Variants in SCN3A observed in about 807,000 individuals in gnomAD.
The protein encoded by SCN3A is sodium channel protein type 3 subunit alpha.
In SCN3A, 60 loss-of-function variants were observed where a neutral mutation model predicts 187.6. That is an observed-to-expected ratio of 0.32 (90% confidence interval 0.26 to 0.40). The LOEUF (loss-of-function observed/expected upper bound fraction) is 0.40. Among genes scored for constraint, SCN3A ranks in the 10% least tolerant of loss-of-function variants. The probability of loss-of-function intolerance (pLI) is 1.00; values close to 1 mark genes in which losing one functional copy is unlikely to be tolerated. For synonymous variants in SCN3A, 788 were observed against 829.2 expected, an observed-to-expected ratio of 0.95 and a Z score of 0.85; for missense variants, 1,601 against 2,428.2, an observed-to-expected ratio of 0.66 and a Z score of 7.16.
chr2:165,159,139 C>T (rs557768374), intron 9 of SCN3A, among the ~76,000 whole-genome samples: 1 of 138,222 alleles, frequency 7.2e-6, no homozygotes, highest in South Asian at 2.3e-4. Context: ...GTCATTCTAA[C>T]AGATGTGCAG....
chr2:165,181,882 A>G (rs939591041), intron 2 of SCN3A, among the ~76,000 whole-genome samples: 1 of 152,194 alleles, frequency 6.6e-6, no homozygotes, highest in Non-Finnish European at 1.5e-5. Context: ...AATGTTAAAA[A>G]TATGTATTTT....
chr2:165,199,832 A>G (rs1231681987), intron 1 of SCN3A, among the ~76,000 whole-genome samples: 1 of 152,064 alleles, frequency 6.6e-6, no homozygotes, highest in East Asian at 1.9e-4. Flanking sequence ...TTCTGCTCCG[A>G]AATAGGTGTC....
rs116331839 is a variant in SCN3A, at chr2:165,121,278, C to T, written c.3394-5703G>A. Among the ~76,000 whole-genome samples the T allele has an allele frequency of 3.0e-3, 457 of 152,158 alleles. 3 individuals carry two copies. Among genetic ancestry groups the T allele is most frequent in the African/African-American group, 0.01 (436 of 41,528 alleles). On this transcript the variant is annotated intron_variant, in intron 18 of 27. Coordinates refer to ENST00000283254, the MANE Select transcript of SCN3A (RefSeq NM_006922.4). The stretch of plus-strand genomic sequence containing the variant: ...ATTGCTTTCCAAATTCCAAAAATAG[C>T]ACAAAGTCATGTCCAGAAGGGCATG...
chr2:165,186,445 C>A (rs762396751), intron 2 of SCN3A, 106 bp downstream of exon 2: 6 of 152,162 alleles, frequency 3.9e-5, no homozygotes, highest in Non-Finnish European at 8.8e-5. Flanking sequence ...GAAGAAAACA[C>A]CCCTCTGCCT....
chr2:165,164,071 A>G (rs1370215395), intron 6 of SCN3A, among the ~76,000 whole-genome samples: 3 of 152,204 alleles, frequency 2.0e-5, no homozygotes, highest in South Asian at 2.1e-4. Context: ...CTTTATTTCA[A>G]TGTAATTTTC....
intron 2 of SCN3A, among the ~76,000 whole-genome samples, chr2:165,186,322 A>T (rs1193632098): frequency 6.6e-6 from 1 of 152,050 alleles, no homozygotes; most frequent in African/African-American, 2.4e-5. Flanking sequence ...AACTGAGTTA[A>T]TCTCTCTTTC....
intron 2 of SCN3A, among the ~76,000 whole-genome samples, chr2:165,178,013 C>T (rs1690578404): frequency 6.6e-6 from 1 of 152,004 alleles, no homozygotes; most frequent in Non-Finnish European, 1.5e-5. Context: ...TTCTAGGCTC[C>T]GTAGTAGTTT....
intron 2 of SCN3A, among the ~76,000 whole-genome samples, chr2:165,182,354 A>G (rs1324293784): frequency 2.0e-5 from 3 of 152,220 alleles, no homozygotes; most frequent in Non-Finnish European, 4.4e-5. Flanking sequence ...GTGTTCCTGA[A>G]GCTTTTTTAT....
At chr2:165,163,768 A>G in intron 6 of SCN3A, 59 bp from the exon 7 acceptor site, 2 of 1,613,322 alleles carry the variant, frequency 1.2e-6, no homozygotes, top group Non-Finnish European at 1.7e-6. Context: ...TGGAGATATA[A>G]GGGGCCTACT....
chr2:165,139,406 A>G (rs1243586250), intron 14 of SCN3A, 70 bp downstream of exon 14: 1 of 1,604,826 alleles, frequency 6.2e-7, no homozygotes, highest in South Asian at 1.1e-5. Context: ...CAGTAATTCT[A>G]TGAAAAGAAG....
In SCN3A at chr2:165,090,776, A is replaced by G; in HGVS notation, c.5377T>C (p.Phe1793Leu). 2 of 1,614,048 alleles carry G rather than the reference A, an allele frequency of 1.2e-6. No homozygotes were observed. The highest frequency in any genetic ancestry group is 1.7e-6 in the Non-Finnish European group (2 of 1,180,002). Residue 1793 changes from phenylalanine (F) to leucine (L), a missense_variant, in exon 28 of 28, where the codon TTC (phenylalanine) becomes CTC (leucine). This residue lies in a region of SCN3A where 110 missense variants were observed against 175.9 expected (regional missense o/e 0.63). Transcript: ENST00000283254. This position sits in a 1 kb window ranked among gnomAD's most constrained non-coding sequence, Gnocchi z 4.0. Reference sequence around the variant, plus strand: ...TCAAACTTTTCCCAAACCTCATAGAACATCTCAAAGTCATCCTCACTCAGG... The same window carrying G: ...TCAAACTTTTCCCAAACCTCATAGAGCATCTCAAAGTCATCCTCACTCAGG... ...EPLSEDDFEMFYEVWEKFDPD... is the reference protein window; with the variant it reads ...EPLSEDDFEMLYEVWEKFDPD...
In SCN3A at chr2:165,130,106, C is replaced by T; in HGVS notation, c.2756G>A (p.Cys919Tyr). Residue 919 changes from cysteine to tyrosine, a missense_variant, in exon 17 of 28, where the codon TGT becomes TAT. This residue lies in a region of SCN3A where 91 missense variants were observed against 207.0 expected (regional missense o/e 0.44). Coordinates refer to ENST00000283254, the MANE Select transcript of SCN3A (RefSeq NM_006922.4). ...GTTCATGTGCCACCGTGGGAGCGTA[C>T]AGTCATCATTGATCTTGCAGACACA... ...KECVCKINDD[C>Y]TLPRWHMNDF... 1 of 1,614,146 alleles carries T rather than the reference C, an allele frequency of 6.2e-7. No individual in the cohort carries two copies. Among genetic ancestry groups the T allele is most frequent in the Non-Finnish European group, 8.5e-7 (1 of 1,180,018 alleles).
chr2:165,188,737 A>T (rs1440925396), intron 1 of SCN3A, among the ~76,000 whole-genome samples: 2 of 148,492 alleles, frequency 1.3e-5, no homozygotes, highest in Non-Finnish European at 3.0e-5. Context: ...CAGAGGTTGC[A>T]GTGAGCTGAG....
At chr2:165,137,734 T>C in intron 15 of SCN3A, 145 bp downstream of exon 15, 2 of 703,416 alleles carry the variant, frequency 2.8e-6, no homozygotes, top group Non-Finnish European at 2.6e-6. Context: ...ATCTCTGAGA[T>C]TCCCTGTAAT....
At chr2:165,172,082 A>C (rs1690140985) in intron 3 of SCN3A, among the ~76,000 whole-genome samples, 1 of 152,288 alleles carries the variant, frequency 6.6e-6, no homozygotes, top group Non-Finnish European at 1.5e-5. Context: ...TTATATTGTC[A>C]GTATAAAGGG....
intron 21 of SCN3A, among the ~76,000 whole-genome samples, chr2:165,103,025 A>T (rs553893007): frequency 6.6e-6 from 1 of 152,194 alleles, no homozygotes; most frequent in Non-Finnish European, 1.5e-5. Context: ...CACATACATA[A>T]ATATTTTTTT....
chr2:165,126,447 CTCTT>C (rs1024992764), intron 18 of SCN3A, among the ~76,000 whole-genome samples: 3 of 149,662 alleles, frequency 2.0e-5, no homozygotes, highest in African/African-American at 7.4e-5. Flanking sequence ...TCCTTTCTTT[CTCTT>C]TTTCTTTTCT....
intron 18 of SCN3A, among the ~76,000 whole-genome samples, chr2:165,124,112 C>T (rs1001677026): frequency 4.6e-5 from 7 of 151,812 alleles, no homozygotes; most frequent in Non-Finnish European, 8.8e-5. Context: ...TAATTGAAAT[C>T]TATGTATTCA....
intron 20 of SCN3A, among the ~76,000 whole-genome samples, chr2:165,113,584 G>T (rs2105709543): frequency 6.6e-6 from 1 of 152,292 alleles, no homozygotes; most frequent in African/African-American, 2.4e-5. Flanking sequence ...GGTTGTCTCA[G>T]TGAGGAAAAC....
Sources: gnomAD v4.1 joint callset for allele counts (sites outside exome capture counted in the v4.1 genomes callset) on GRCh38, gnomAD v4.1.1 for gene constraint, gnomAD v4.1.1 regional missense constraint, Gnocchi (gnomAD v3.1) non-coding constraint, MANE v1.5 for transcripts, NCBI Gene and HGNC (gene_info 2026-07-23, HGNC 2026-07-21) for gene names.